The following MTHFD1L variants were observed in gnomAD, a reference collection of about 807,000 sequenced individuals.
The protein encoded by MTHFD1L is monofunctional C1-tetrahydrofolate synthase, mitochondrial.
In MTHFD1L, 81 loss-of-function variants were observed where a neutral mutation model predicts 119.5. The observed-to-expected ratio is 0.68, with a 90% confidence interval of 0.57 to 0.82. The LOEUF is 0.82. MTHFD1L is among the 40% of genes least tolerant of loss of function. MTHFD1L has a pLI of 0.00. For missense variants in MTHFD1L, 1,125 were observed against 1,253.4 expected, an observed-to-expected ratio of 0.90 and a Z score of 1.55; for synonymous variants, 430 against 475.2, an observed-to-expected ratio of 0.90 and a Z score of 1.24.
At chr6:150,923,537 A>ATTTATTTATTTATTTATTTATTTT (rs1254981530) in intron 10 of MTHFD1L, among the ~76,000 whole-genome samples, 5 of 95,180 alleles carry the variant, frequency 5.3e-5, no homozygotes, top group Non-Finnish European at 8.1e-5. Flanking sequence ...TTATTTATTT[A>ATTTATTTATTTATTTATTTATTTT]TTTTTTCTTT....
rs113783642 is a variant in MTHFD1L, at chr6:150,912,615, T to C, written c.893-5962T>C. ...GCTCATATTAGTGAAAGGGTGGTTC[T>C]GATTTCTGAGGAAGGCATGATAACA... On this transcript the variant is annotated intron_variant, in intron 8 of 27. Transcript: ENST00000367321. 7.1e-4 allele frequency: 333 copies of C among 466,310 alleles called. 1 individual carries two copies. Among genetic ancestry groups the C allele is most frequent in the African/African-American group, 6.0e-3 (301 of 50,500 alleles). 28.9% of individuals were successfully genotyped at this position (466,310 alleles called of 1,614,324 possible).
intron 24 of MTHFD1L, among the ~76,000 whole-genome samples, chr6:151,021,656 G>A (rs1442163678): frequency 6.6e-6 from 1 of 152,158 alleles, no homozygotes; most frequent in Non-Finnish European, 1.5e-5. Context: ...GAATTCTCCT[G>A]TAACTCAAGG....
intron 24 of MTHFD1L, among the ~76,000 whole-genome samples, chr6:151,028,621 A>G (rs2128518631): frequency 6.6e-6 from 1 of 152,244 alleles, no homozygotes; most frequent in South Asian, 2.1e-4. Flanking sequence ...ATAGACAGGA[A>G]GTAGAATGGT....
At chr6:150,903,845 A>G (rs1335806983) in intron 7 of MTHFD1L, among the ~76,000 whole-genome samples, 3 of 152,246 alleles carry the variant, frequency 2.0e-5, no homozygotes, top group East Asian at 3.9e-4. Context: ...ATTAATGGAT[A>G]ATCAATCAGT....
At chr6:150,961,914 A>C (rs1165404151) in intron 18 of MTHFD1L, among the ~76,000 whole-genome samples, 1 of 152,230 alleles carries the variant, frequency 6.6e-6, no homozygotes, top group East Asian at 1.9e-4. Context: ...TTGTATGGCA[A>C]TAAATATGTG....
chr6:151,096,825 C>A (rs534314470), intron 27 of MTHFD1L, among the ~76,000 whole-genome samples: 1 of 152,130 alleles, frequency 6.6e-6, no homozygotes. Flanking sequence ...CCTGTCTCAC[C>A]TCCTAGGAAA....
intron 20 of MTHFD1L, among the ~76,000 whole-genome samples, chr6:151,008,336 C>T (rs1303163944): frequency 1.3e-5 from 2 of 152,232 alleles, no homozygotes; most frequent in Non-Finnish European, 2.9e-5. Context: ...CCTGGTCATA[C>T]CGTCAGCATA....
At chr6:150,887,252 T>G (rs1186335025) in intron 6 of MTHFD1L, among the ~76,000 whole-genome samples, 1 of 152,178 alleles carries the variant, frequency 6.6e-6, no homozygotes, top group Non-Finnish European at 1.5e-5. Flanking sequence ...ATTATCAAGA[T>G]GAAGATTCTG....
At chr6:151,091,231 T>G (rs1387777283) in intron 26 of MTHFD1L, among the ~76,000 whole-genome samples, 10 of 141,968 alleles carry the variant, frequency 7.0e-5, no homozygotes, top group African/African-American at 2.6e-4. Context: ...CCCATGTGAC[T>G]GGGTGCAGCA....
At chr6:150,917,916 T>C (rs1788254144) in intron 8 of MTHFD1L, among the ~76,000 whole-genome samples, 1 of 152,206 alleles carries the variant, frequency 6.6e-6, no homozygotes. Context: ...TGCCATAATT[T>C]AAAAATCAGA....
intron 19 of MTHFD1L, among the ~76,000 whole-genome samples, chr6:150,967,298 C>T (rs1797353668): frequency 6.6e-6 from 1 of 152,208 alleles, no homozygotes; most frequent in Admixed American, 6.5e-5. Context: ...CACAGCTGCC[C>T]TTGTCTTCCT....
intron 26 of MTHFD1L, among the ~76,000 whole-genome samples, chr6:151,074,320 G>A (rs896045738): frequency 2.0e-5 from 3 of 152,158 alleles, no homozygotes; most frequent in African/African-American, 4.8e-5. Context: ...AATAGTAACC[G>A]CATGGATAGA....
chr6:150,888,662 T>G (rs922973549), intron 7 of MTHFD1L, among the ~76,000 whole-genome samples: 3 of 152,174 alleles, frequency 2.0e-5, no homozygotes, highest in Non-Finnish European at 4.4e-5. Context: ...ACAGTCTGAT[T>G]CTGAAATCCA....
At chr6:150,925,541 C>G (rs574193156) in intron 10 of MTHFD1L, among the ~76,000 whole-genome samples, 1 of 152,116 alleles carries the variant, frequency 6.6e-6, no homozygotes, top group South Asian at 2.1e-4. Flanking sequence ...CTTTTACCGA[C>G]AGTTATGTAA....
chr6:151,062,658 G>A (rs1790779619), intron 26 of MTHFD1L, among the ~76,000 whole-genome samples: 1 of 152,064 alleles, frequency 6.6e-6, no homozygotes, highest in Non-Finnish European at 1.5e-5. Context: ...TTTGGATATG[G>A]GAAATGAAAA....
At chr6:150,982,038 G>A (rs1045629457) in intron 20 of MTHFD1L, among the ~76,000 whole-genome samples, 22 of 152,032 alleles carry the variant, frequency 1.4e-4, no homozygotes, top group Non-Finnish European at 3.1e-4. Flanking sequence ...AGCAAGCTAT[G>A]ATCACACCTA....
chr6:150,942,152 G>C (rs1272750014), intron 13 of MTHFD1L, among the ~76,000 whole-genome samples: 2 of 152,136 alleles, frequency 1.3e-5, no homozygotes, highest in African/African-American at 2.4e-5. Flanking sequence ...CCAGCTCCTT[G>C]GGAGGCGGAG....
intron 24 of MTHFD1L, among the ~76,000 whole-genome samples, chr6:151,030,246 CCT>C (rs1464034725): frequency 6.6e-6 from 1 of 152,216 alleles, no homozygotes; most frequent in Non-Finnish European, 1.5e-5. Context: ...CTCTCTGAGC[CCT>C]TCTACCTCAC....
At chr6:150,916,652 C>T (rs1283800059) in intron 8 of MTHFD1L, among the ~76,000 whole-genome samples, 2 of 140,524 alleles carry the variant, frequency 1.4e-5, no homozygotes, top group Non-Finnish European at 3.1e-5. Flanking sequence ...TTATCAACAT[C>T]TTTCTAGGTT....
Sources: gnomAD v4.1 joint callset for allele counts (sites outside exome capture counted in the v4.1 genomes callset) on GRCh38, gnomAD v4.1.1 for gene constraint, MANE v1.5 for transcripts, NCBI Gene and HGNC (gene_info 2026-07-23, HGNC 2026-07-21) for gene names.